FNDC3A: variants seen among roughly 807,000 people sequenced by gnomAD.
The protein encoded by FNDC3A is fibronectin type-III domain-containing protein 3A.
Under a neutral mutation model 148.9 loss-of-function variants are expected in FNDC3A, and 32 were observed. That is an observed-to-expected ratio of 0.21 (90% confidence interval 0.16 to 0.29). The LOEUF is 0.29. Among genes scored for constraint, FNDC3A ranks in the 10% least tolerant of loss-of-function variants. The probability of loss-of-function intolerance (pLI) is 1.00; values close to 1 mark genes in which losing one functional copy is unlikely to be tolerated. For synonymous variants in FNDC3A, 472 were observed against 473.6 expected, an observed-to-expected ratio of 1.00 and a Z score of 0.04; for missense variants, 1,191 against 1,452.8, an observed-to-expected ratio of 0.82 and a Z score of 2.93.
intron 1 of FNDC3A, among the ~76,000 whole-genome samples, chr13:49,004,578 T>A (rs1251936936): frequency 6.6e-6 from 1 of 151,948 alleles, no homozygotes; most frequent in East Asian, 1.9e-4. Context: ...CAGAAGAAAA[T>A]CTGTATTTCT....
intron 3 of FNDC3A, among the ~76,000 whole-genome samples, chr13:49,113,217 CCTT>C (rs1421183296): frequency 1.3e-5 from 2 of 151,506 alleles, no homozygotes; most frequent in South Asian, 2.1e-4. Flanking sequence ...TCGCCTCTCT[CCTT>C]CTCTCCCCTC....
chr13:49,024,900 G>A (rs984964455), intron 2 of FNDC3A, among the ~76,000 whole-genome samples: 1 of 151,890 alleles, frequency 6.6e-6, no homozygotes, highest in South Asian at 2.1e-4. Flanking sequence ...TCATTTTTAA[G>A]TAGTAGTAGT....
chr13:49,125,712 A>G (rs1195204523), intron 4 of FNDC3A, among the ~76,000 whole-genome samples: 1 of 152,230 alleles, frequency 6.6e-6, no homozygotes, highest in African/African-American at 2.4e-5. Flanking sequence ...GCTAGGTACT[A>G]TTCCAGGTCC....
At chr13:49,140,347 A>AAT (rs773910693) in intron 7 of FNDC3A, among the ~76,000 whole-genome samples, 5 of 152,182 alleles carry the variant, frequency 3.3e-5, no homozygotes, top group East Asian at 1.9e-4. Context: ...TAAATAAATA[A>AAT]ATATATATAT....
intron 3 of FNDC3A, among the ~76,000 whole-genome samples, chr13:49,096,149 G>T (rs966958172): frequency 6.6e-6 from 1 of 151,960 alleles, no homozygotes; most frequent in Non-Finnish European, 1.5e-5. Context: ...CTGTGGTTAT[G>T]GTCTTTGATT....
intron 1 of FNDC3A, among the ~76,000 whole-genome samples, 173 bp from the exon 2 acceptor site, chr13:49,005,979 G>C (rs1952213470): frequency 6.6e-6 from 1 of 151,844 alleles, no homozygotes; most frequent in Non-Finnish European, 1.5e-5. Flanking sequence ...TGTAAGAAAT[G>C]TATTTCCTTA....
chr13:49,150,800 C>T (rs544037795), intron 8 of FNDC3A, among the ~76,000 whole-genome samples: 51 of 151,920 alleles, frequency 3.4e-4, no homozygotes, highest in African/African-American at 1.2e-3. Flanking sequence ...AAAAAATTAG[C>T]GAGGTGTGGT....
intron 1 of FNDC3A, among the ~76,000 whole-genome samples, chr13:48,984,294 C>T (rs1951749436): frequency 6.6e-6 from 1 of 152,078 alleles, no homozygotes; most frequent in Non-Finnish European, 1.5e-5. Flanking sequence ...ATCAGAAATT[C>T]AACAGGAGTT....
At chr13:49,175,078 C>T (rs1884958352) in intron 12 of FNDC3A, among the ~76,000 whole-genome samples, 2 of 152,056 alleles carry the variant, frequency 1.3e-5, no homozygotes, top group African/African-American at 4.8e-5. Context: ...CACCAATACA[C>T]GAGTGTTATT....
At chr13:49,119,794 A>T (rs1374766597) in intron 4 of FNDC3A, among the ~76,000 whole-genome samples, 1 of 152,110 alleles carries the variant, frequency 6.6e-6, no homozygotes, top group Non-Finnish European at 1.5e-5. Context: ...TAGAGAGACA[A>T]GAATGAAAAT....
In FNDC3A at chr13:49,013,587, C is replaced by G. The variant is rs116720876; in HGVS notation, c.99+7298C>G. On this transcript the variant is annotated intron_variant, in intron 2 of 25. Transcript: ENST00000492622. The stretch of plus-strand genomic sequence containing the variant: ...ACGTGTATACATGTACATGTGTATG[C>G]AAGTATAGATGTACACGTGTATACA... Among the ~76,000 whole-genome samples the G allele has an allele frequency of 9.6e-3, 1,441 of 150,674 alleles. 14 individuals carry two copies. The highest frequency in any genetic ancestry group is 0.023 in the African/African-American group (939 of 40,914).
chr13:49,028,840 C>T (rs183006895), intron 2 of FNDC3A, among the ~76,000 whole-genome samples: 59 of 152,268 alleles, frequency 3.9e-4, no homozygotes, highest in Non-Finnish European at 6.2e-4. Flanking sequence ...AAGGTATGAA[C>T]GACACTGTAA....
chr13:49,022,600 T>C (rs1873407098), intron 2 of FNDC3A, among the ~76,000 whole-genome samples: 1 of 152,146 alleles, frequency 6.6e-6, no homozygotes, highest in African/African-American at 2.4e-5. Flanking sequence ...ATAAAGCTTA[T>C]ACTTTTGTGA....
intron 14 of FNDC3A, among the ~76,000 whole-genome samples, chr13:49,181,685 TCAAA>T (rs1196135766): frequency 6.6e-6 from 1 of 152,132 alleles, no homozygotes; most frequent in African/African-American, 2.4e-5. Context: ...GCAGATTCTT[TCAAA>T]CAGTCGTATC....
intron 2 of FNDC3A, among the ~76,000 whole-genome samples, chr13:49,068,615 G>A (rs1161803804): frequency 6.6e-6 from 1 of 152,094 alleles, no homozygotes; most frequent in African/African-American, 2.4e-5. Flanking sequence ...TCCATTCATT[G>A]CCACACTATT....
rs549050223 is a variant in FNDC3A at position 49,183,055 on chromosome 13, A to T, written c.1618-2909A>T. Among the ~76,000 whole-genome samples the T allele has an allele frequency of 2.7e-4, 41 of 152,282 alleles. No homozygotes were observed. The South Asian group carries it at 4.6e-3, about 17-fold the overall frequency. ...TAAGAAACAATTTCCTTAGTTTGAT[A>T]TAAGATTCTTTATATTTCTGTTCAG... On this transcript the variant is annotated intron_variant, in intron 14 of 25. Transcript: ENST00000492622.
At chr13:49,180,649 A>G (rs1219990115) in intron 14 of FNDC3A, among the ~76,000 whole-genome samples, 1 of 152,186 alleles carries the variant, frequency 6.6e-6, no homozygotes, top group Non-Finnish European at 1.5e-5. Context: ...TTCTACTACC[A>G]TGTAACACCA....
At chr13:49,178,733 T>C (rs759598062) in intron 14 of FNDC3A, 79 bp downstream of exon 14, 2 of 775,378 alleles carry the variant, frequency 2.6e-6, no homozygotes, top group Non-Finnish European at 4.0e-6. Context: ...GTTTTCTGTT[T>C]GTTTGTTTGT....
intron 3 of FNDC3A, among the ~76,000 whole-genome samples, chr13:49,103,529 A>C (rs1270200943): frequency 6.6e-6 from 1 of 152,192 alleles, no homozygotes; most frequent in African/African-American, 2.4e-5. Context: ...TGTTTTTTAG[A>C]TCAGGTTAGC....
Sources: allele counts gnomAD v4.1 joint callset (sites outside exome capture counted in the v4.1 genomes callset), GRCh38; gene constraint gnomAD v4.1.1; transcripts MANE v1.5; gene names NCBI Gene and HGNC (gene_info 2026-07-23, HGNC 2026-07-21).